PLCL2: variants seen among roughly 807,000 people sequenced by gnomAD.
The protein encoded by PLCL2 is phospholipase C like 2.
Under a neutral mutation model 79.6 loss-of-function variants are expected in PLCL2, and 4 were observed. The ratio of observed to expected loss-of-function variants is 0.05; its 90% CI spans 0.02 to 0.11. The LOEUF (loss-of-function observed/expected upper bound fraction) is 0.11, where lower values mean the gene tolerates loss of function less well. PLCL2 is among the 10% of genes least tolerant of loss of function. PLCL2 has a pLI of 1.00. For synonymous variants in PLCL2, 484 were observed against 457.7 expected, an observed-to-expected ratio of 1.06 and a Z score of -0.73; for missense variants, 895 against 1,291.0, an observed-to-expected ratio of 0.69 and a Z score of 4.70.
intron 4 of PLCL2, among the ~76,000 whole-genome samples, chr3:17,046,700 A>G (rs1477764354): frequency 6.6e-6 from 1 of 152,234 alleles, no homozygotes; most frequent in Non-Finnish European, 1.5e-5. Context: ...ACAAAATTCT[A>G]GAAACTGAGT....
chr3:17,080,489 C>T (rs1369868480), intron 5 of PLCL2, among the ~76,000 whole-genome samples: 2 of 152,148 alleles, frequency 1.3e-5, no homozygotes, highest in African/African-American at 4.8e-5. Flanking sequence ...CTTTCTCTGT[C>T]CCCCAGGCTG....
At chr3:17,015,770 C>T (rs866653679) in intron 3 of PLCL2, among the ~76,000 whole-genome samples, 20 of 152,210 alleles carry the variant, frequency 1.3e-4, no homozygotes, top group African/African-American at 4.3e-4. Context: ...TCTGATGTAG[C>T]TTGCTGTGCT....
intron 4 of PLCL2, among the ~76,000 whole-genome samples, chr3:17,049,028 G>A (rs2064811854): frequency 6.6e-6 from 1 of 151,766 alleles, no homozygotes; most frequent in African/African-American, 2.4e-5. Flanking sequence ...TAAAAAAAAA[G>A]AAAAGAAAAT....
rs767142997 is a variant in PLCL2, at chr3:17,010,053, C to G, written c.707C>G (p.Ala236Gly). The G allele has an allele frequency of 6.2e-7, 1 of 1,612,758 alleles. No homozygotes were observed. The highest frequency in any genetic ancestry group is 1.3e-5 in the African/African-American group (1 of 74,918). Reference sequence around the variant, plus strand: ...TCACTGGATTTGGTTGCCAACTCCGCAGATGTTGCAAACATCTGGGTTACA... The same window carrying G: ...TCACTGGATTTGGTTGCCAACTCCGGAGATGTTGCAAACATCTGGGTTACA... ...YESLDLVANS[A>G]DVANIWVTGL... Residue 236 changes from alanine to glycine, a missense_variant, in exon 2 of 6, where the codon GCA becomes GGA. Ala to Gly is a moderately conservative substitution (Grantham distance 60). Transcript: ENST00000615277. This position sits in a 1 kb window ranked among gnomAD's most constrained non-coding sequence, Gnocchi z 5.8.
At chr3:17,013,422 G>A (rs1305437392) in intron 2 of PLCL2, among the ~76,000 whole-genome samples, 1 of 152,196 alleles carries the variant, frequency 6.6e-6, no homozygotes, top group Non-Finnish European at 1.5e-5. Flanking sequence ...GCAGGCAGTG[G>A]GAAGGGGAAA....
intron 1 of PLCL2, among the ~76,000 whole-genome samples, chr3:16,985,222 G>T (rs142974149): frequency 5.5e-4 from 84 of 152,124 alleles, no homozygotes; most frequent in African/African-American, 1.7e-3. Context: ...GCTCCACTCC[G>T]GGTGCCTATA....
chr3:17,030,132 A>G (rs749708275), intron 3 of PLCL2, among the ~76,000 whole-genome samples: 47 of 152,010 alleles, frequency 3.1e-4, no homozygotes, highest in Non-Finnish European at 5.0e-4. Context: ...TCGCTATGTT[A>G]CCCAGGCTGG....
chr3:16,928,234 A>G (rs1229155039), intron 1 of PLCL2, among the ~76,000 whole-genome samples: 1 of 152,228 alleles, frequency 6.6e-6, no homozygotes, highest in Non-Finnish European at 1.5e-5. Flanking sequence ...AGGCCCTCCA[A>G]GAGGCTGAGA....
intron 1 of PLCL2, among the ~76,000 whole-genome samples, chr3:16,940,232 C>T (rs1408403272): frequency 1.7e-4 from 26 of 152,180 alleles, no homozygotes; most frequent in Non-Finnish European, 7.3e-5. Flanking sequence ...CTTCAAAAAA[C>T]TTTCACTAGA....
At chr3:16,934,944 C>G (rs1431430781) in intron 1 of PLCL2, among the ~76,000 whole-genome samples, 1 of 152,154 alleles carries the variant, frequency 6.6e-6, no homozygotes, top group East Asian at 1.9e-4. Flanking sequence ...TGGACAAATC[C>G]TGGAAGTAGA....
intron 1 of PLCL2, among the ~76,000 whole-genome samples, chr3:16,917,537 T>A (rs1697025508): frequency 6.6e-6 from 1 of 152,190 alleles, no homozygotes; most frequent in Admixed American, 6.5e-5. Context: ...ACTTCCAGGA[T>A]GGCTTCCATA....
intron 1 of PLCL2, among the ~76,000 whole-genome samples, chr3:16,919,405 TC>T (rs1461567320): frequency 6.6e-6 from 1 of 152,184 alleles, no homozygotes; most frequent in Non-Finnish European, 1.5e-5. Flanking sequence ...GAATTGTTTG[TC>T]CTTTTTTACT....
At chr3:17,045,846 C>T (rs748038103) in intron 4 of PLCL2, among the ~76,000 whole-genome samples, 18 of 152,082 alleles carry the variant, frequency 1.2e-4, no homozygotes, top group African/African-American at 4.1e-4. Context: ...TACAGAAAGC[C>T]GTGACATTTA....
chr3:17,014,653 T>G, intron 2 of PLCL2, 55 bp from the exon 3 acceptor site: 153 of 1,324,410 alleles, frequency 1.2e-4, no homozygotes, highest in Middle Eastern at 2.3e-4. Flanking sequence ...ATAATATCCA[T>G]GAGAAAGTAA....
chr3:16,959,845 C>T (rs970119998), intron 1 of PLCL2, among the ~76,000 whole-genome samples: 3 of 152,196 alleles, frequency 2.0e-5, no homozygotes, highest in Admixed American at 2.0e-4. Context: ...GTGGCTCATG[C>T]CTGTAATCCC....
At chr3:16,949,666 C>A (rs1408746822) in intron 1 of PLCL2, among the ~76,000 whole-genome samples, 2 of 152,160 alleles carry the variant, frequency 1.3e-5, no homozygotes, top group Non-Finnish European at 2.9e-5. Context: ...TCCCCTCCAT[C>A]CTCCTCCCAC....
chr3:16,908,127 C>A (rs371171332), intron 1 of PLCL2, among the ~76,000 whole-genome samples: 79 of 152,192 alleles, frequency 5.2e-4, no homozygotes, highest in Non-Finnish European at 7.9e-4. Flanking sequence ...GGGAAATGGA[C>A]ACAAATAGAG....
At chr3:16,958,356 T>C (rs2063725208) in intron 1 of PLCL2, among the ~76,000 whole-genome samples, 1 of 152,252 alleles carries the variant, frequency 6.6e-6, no homozygotes, top group South Asian at 2.1e-4. Flanking sequence ...TTTCAGCTTA[T>C]ATACCCACCA....
At chr3:17,055,469 G>C (rs1382624180) in intron 4 of PLCL2, among the ~76,000 whole-genome samples, 1 of 152,124 alleles carries the variant, frequency 6.6e-6, no homozygotes, top group Middle Eastern at 3.2e-3. Flanking sequence ...CTGGTCTCTA[G>C]AAACCGCTGT....
Sources: gnomAD v4.1 joint callset for allele counts (sites outside exome capture counted in the v4.1 genomes callset) on GRCh38, gnomAD v4.1.1 for gene constraint, Gnocchi (gnomAD v3.1) non-coding constraint, MANE v1.5 for transcripts, NCBI Gene and HGNC (gene_info 2026-07-23, HGNC 2026-07-21) for gene names.